MYCBP2: variants seen among roughly 807,000 people sequenced by gnomAD.
MYCBP2 encodes E3 ubiquitin-protein ligase MYCBP2.
In MYCBP2, 120 loss-of-function variants were observed where a neutral mutation model predicts 525.3. The observed-to-expected ratio is 0.23, with a 90% CI of 0.20 to 0.27. The LOEUF (loss-of-function observed/expected upper bound fraction) is 0.27. Ranked by LOEUF, MYCBP2 falls within the 10% of genes least tolerant of loss-of-function variation. The probability of loss-of-function intolerance (pLI) is 1.00; values close to 1 mark genes in which losing one functional copy is unlikely to be tolerated. For synonymous variants in MYCBP2, 1,894 were observed against 1,955.8 expected, an observed-to-expected ratio of 0.97 and a Z score of 0.83; for missense variants, 4,149 against 5,657.1, an observed-to-expected ratio of 0.73 and a Z score of 8.55.
At chr13:77,102,237 C>CTA (rs2047182496) in intron 55 of MYCBP2, among the ~76,000 whole-genome samples, 1 of 151,700 alleles carries the variant, frequency 6.6e-6, no homozygotes. Flanking sequence ...TTACATGATA[C>CTA]TATATGCTAT....
chr13:77,251,478 C>T (rs1360892780), intron 14 of MYCBP2, 123 bp from the exon 15 acceptor site: 1 of 760,400 alleles, frequency 1.3e-6, no homozygotes, highest in Non-Finnish European at 2.1e-6. Context: ...CAAAGAAATG[C>T]TTAAATTTGA....
At position 77,139,427 on chromosome 13, in the gene MYCBP2, T is replaced by C. The variant is rs558653470; in HGVS notation, c.7519-91A>G. On this transcript the variant is annotated intron_variant, in intron 51 of 82. Transcript: ENST00000544440. ...GAAAGTCTGCAAAGCAGAAAAATGA[T>C]GGTGCATGTGCAGATTAAGCATCTA... The C allele has an allele frequency of 8.6e-6, 12 of 1,393,998 alleles. No homozygotes were observed. In the South Asian group the frequency reaches 1.6e-4, roughly 19 times the overall value. The allele number at this position is 1,393,998 out of a possible 1,614,324, so 86.4% of individuals were successfully genotyped here.
intron 44 of MYCBP2, among the ~76,000 whole-genome samples, 163 bp from the exon 45 acceptor site, chr13:77,158,272 G>C (rs1443650250): frequency 6.6e-6 from 1 of 152,222 alleles, no homozygotes; most frequent in East Asian, 1.9e-4. Context: ...GAAATTCCTA[G>C]GAGAGAAAAA....
intron 30 of MYCBP2, among the ~76,000 whole-genome samples, chr13:77,188,533 A>G (rs553683971): frequency 2.6e-5 from 4 of 152,288 alleles, no homozygotes; most frequent in African/African-American, 9.6e-5. Context: ...CATGTGTACA[A>G]TGGGGATGGC....
At chr13:77,125,280 A>G (rs2051451366) in intron 54 of MYCBP2, 56 bp downstream of exon 54, 1 of 1,602,334 alleles carries the variant, frequency 6.2e-7, no homozygotes. Context: ...AATAGGCATT[A>G]AACTTCTGTA....
intron 68 of MYCBP2, among the ~76,000 whole-genome samples, chr13:77,074,262 A>G (rs2041920812): frequency 6.6e-6 from 1 of 152,154 alleles, no homozygotes; most frequent in Non-Finnish European, 1.5e-5. Context: ...TAGTAGAACA[A>G]TTGAACATCT....
At chr13:77,063,558 CAAAAAAAAAAAAA>C (rs67648208) in intron 73 of MYCBP2, among the ~76,000 whole-genome samples, 1 of 67,434 alleles carries the variant, frequency 1.5e-5, no homozygotes, top group Non-Finnish European at 3.0e-5. Flanking sequence ...AACTCTGTCT[CAAAAAAAAAAAAA>C]AAAAAAAAAA....
chr13:77,110,667 C>T lies in MYCBP2; in HGVS notation c.8140+10706G>A, dbSNP rs2048668306. On this transcript the variant is annotated intron_variant, in intron 55 of 82. Coordinates refer to ENST00000544440, the MANE Select transcript of MYCBP2 (RefSeq NM_015057.5). The stretch of plus-strand genomic sequence containing the variant: ...TGGCTCAGAGGACATCACGGTCCTA[C>T]CAATATGTGATGTCACCGCCAGAGG... Among the ~76,000 whole-genome samples the T allele has an allele frequency of 2.6e-5, 4 of 152,120 alleles. No homozygotes were observed. The South Asian group carries it at 8.3e-4, about 32-fold the overall frequency.
chr13:77,271,866 C>T (rs926883096), intron 5 of MYCBP2, among the ~76,000 whole-genome samples: 1 of 152,202 alleles, frequency 6.6e-6, no homozygotes, highest in African/African-American at 2.4e-5. Context: ...TTTTCTCCCT[C>T]TACCAACAGT....
chr13:77,310,567 T>C (rs75095574), intron 1 of MYCBP2, among the ~76,000 whole-genome samples: 2 of 152,172 alleles, frequency 1.3e-5, no homozygotes, highest in African/African-American at 4.8e-5. Context: ...AAATATGTCA[T>C]ATATATGATT....
rs2067377160 is a variant in MYCBP2, at chr13:77,233,268, G to A, written c.2630-5C>T. On this transcript the variant is annotated splice_region_variant and splice_polypyrimidine_tract_variant and intron_variant, in intron 17 of 82. Coordinates refer to ENST00000544440, the MANE Select transcript of MYCBP2 (RefSeq NM_015057.5). ...GACCAGCAAATACAAGGGGGCCTGA[G>A]GAGAAACATTTTGTATGTGCATAGA... 16 of 1,608,856 alleles carry A rather than the reference G, an allele frequency of 9.9e-6. No homozygotes were observed. The highest frequency in any genetic ancestry group is 1.3e-5 in the Non-Finnish European group (15 of 1,175,686).
intron 21 of MYCBP2, 40 bp from the exon 22 acceptor site, chr13:77,212,200 T>C (rs1484381435): frequency 1.3e-6 from 2 of 1,551,724 alleles, no homozygotes; most frequent in Non-Finnish European, 8.8e-7. Flanking sequence ...TATTGCTGTG[T>C]AAACAATCTA....
intron 71 of MYCBP2, among the ~76,000 whole-genome samples, chr13:77,066,504 T>C (rs969938916): frequency 1.3e-5 from 2 of 152,234 alleles, no homozygotes; most frequent in Admixed American, 6.5e-5. Flanking sequence ...CATTCTGATG[T>C]TATCTGCATA....
chr13:77,104,255 G>A (rs984763555), intron 55 of MYCBP2, among the ~76,000 whole-genome samples: 10 of 151,998 alleles, frequency 6.6e-5, no homozygotes, highest in African/African-American at 2.4e-4. Context: ...GCTGTTTTCG[G>A]CTGATTCATT....
intron 71 of MYCBP2, among the ~76,000 whole-genome samples, 164 bp downstream of exon 71, chr13:77,067,417 T>C (rs1031455956): frequency 6.6e-6 from 1 of 152,220 alleles, no homozygotes; most frequent in Non-Finnish European, 1.5e-5. Flanking sequence ...TAATTATAAA[T>C]GACACTTTTA....
chr13:77,070,340 G>A (rs1280687003), intron 69 of MYCBP2, among the ~76,000 whole-genome samples: 1 of 152,156 alleles, frequency 6.6e-6, no homozygotes, highest in Non-Finnish European at 1.5e-5. Flanking sequence ...GGGACTGCCT[G>A]TGGCCCAGGA....
chr13:77,157,581 A>G (rs945369923), intron 45 of MYCBP2, among the ~76,000 whole-genome samples: 3 of 151,862 alleles, frequency 2.0e-5, no homozygotes, highest in African/African-American at 4.8e-5. Context: ...CTCTGTTTCT[A>G]CAAAAAATAC....
In MYCBP2 at chr13:77,302,324, A is replaced by G. The variant is rs573682210; in HGVS notation, c.303-5650T>C. Among the ~76,000 whole-genome samples, 5 of 150,440 alleles carry G rather than the reference A, an allele frequency of 3.3e-5. No individual in the cohort carries two copies. The South Asian group carries it at 1.1e-3, about 32-fold the overall frequency. On this transcript the variant is annotated intron_variant, in intron 1 of 82. Coordinates refer to ENST00000544440, the MANE Select transcript of MYCBP2 (RefSeq NM_015057.5). ...AAGCAGCCAGAGAAGAGATATGCTT[A>G]AAGGAACAATAAAATTGATAGTTTC...
chr13:77,130,311 CATT>C lies in MYCBP2; in HGVS notation c.7660-3772_7660-3770del, dbSNP rs372031998. Among the ~76,000 whole-genome samples the C allele has an allele frequency of 4.2e-3, 639 of 150,806 alleles. 2 individuals carry two copies. Among genetic ancestry groups the C allele is most frequent in the African/African-American group, 0.014 (554 of 40,638 alleles). On this transcript the variant is annotated intron_variant, in intron 52 of 82. Coordinates refer to ENST00000544440, the MANE Select transcript of MYCBP2 (RefSeq NM_015057.5). ...TCATTTTAGATAATGAAACTTTTCT[CATT>C]ATCTCATTTTAGATAATGAAACTTT...
Sources: allele counts gnomAD v4.1 joint callset (sites outside exome capture counted in the v4.1 genomes callset), GRCh38; gene constraint gnomAD v4.1.1; transcripts MANE v1.5; gene names NCBI Gene and HGNC (gene_info 2026-07-23, HGNC 2026-07-21).